The following NEK7 variants were observed in gnomAD, a reference collection of about 807,000 sequenced individuals.
The protein encoded by NEK7 is serine/threonine-protein kinase Nek7.
Under a neutral mutation model 44.6 loss-of-function variants are expected in NEK7, and 18 were observed. The ratio of observed to expected loss-of-function variants is 0.40; its 90% CI spans 0.28 to 0.60. The LOEUF (loss-of-function observed/expected upper bound fraction) is 0.60, where lower values mean the gene tolerates loss of function less well. Among genes scored for constraint, NEK7 ranks in the 20% least tolerant of loss-of-function variants. The pLI is 0.38. For missense variants in NEK7, 256 were observed against 366.5 expected, an observed-to-expected ratio of 0.70 and a Z score of 2.46; for synonymous variants, 130 against 121.1, an observed-to-expected ratio of 1.07 and a Z score of -0.48.
intron 9 of NEK7, 29 bp from the exon 10 acceptor site, chr1:198,319,383 C>G (rs1172091466): frequency 1.3e-6 from 2 of 1,510,382 alleles, no homozygotes; most frequent in East Asian, 2.3e-5. Flanking sequence ...TTGTCTTAAT[C>G]AGGTTTTATT....
chr1:198,168,394 C>A (rs924680916), intron 1 of NEK7, among the ~76,000 whole-genome samples: 3 of 152,180 alleles, frequency 2.0e-5, no homozygotes, highest in Admixed American at 6.5e-5. Context: ...ACTACCATTC[C>A]TAGGCCTTTT....
intron 7 of NEK7, among the ~76,000 whole-genome samples, chr1:198,291,072 T>C (rs1017762894): frequency 6.6e-5 from 10 of 152,158 alleles, no homozygotes; most frequent in Admixed American, 2.0e-4. Flanking sequence ...CTAGCATTTG[T>C]TCTTCTTTTT....
intron 5 of NEK7, among the ~76,000 whole-genome samples, chr1:198,276,901 G>A (rs1654033863): frequency 6.6e-6 from 1 of 151,552 alleles, no homozygotes; most frequent in African/African-American, 2.4e-5. Flanking sequence ...AAAACTGAAA[G>A]GTAGCTGTTT....
intron 1 of NEK7, chr1:198,198,022 G>T: frequency 2.0e-6 from 3 of 1,515,056 alleles, no homozygotes; most frequent in Non-Finnish European, 2.6e-6. Context: ...AGGATGAGGG[G>T]GCCCACCTGG....
chr1:198,201,797 G>C lies in NEK7; in HGVS notation c.-28-30756G>C, dbSNP rs933521862. Reference sequence around the variant, plus strand: ...AGACACACTTGGAGTTTTTGCACCAGAGATTTGTAAGTATAGAGGAGGAGG... The same window carrying C: ...AGACACACTTGGAGTTTTTGCACCACAGATTTGTAAGTATAGAGGAGGAGG... On this transcript the variant is annotated intron_variant, in intron 1 of 9. Coordinates refer to ENST00000367385, the MANE Select transcript of NEK7 (RefSeq NM_133494.3). 1.1e-4 allele frequency among the ~76,000 whole-genome samples: 16 copies of C among 152,204 alleles called. No homozygotes were observed. The South Asian group carries it at 3.3e-3, about 32-fold the overall frequency.
chr1:198,175,577 G>A (rs376001268), intron 1 of NEK7, among the ~76,000 whole-genome samples: 34 of 152,274 alleles, frequency 2.2e-4, no homozygotes, highest in East Asian at 9.6e-4. Context: ...TGGTTGTCAT[G>A]ATTTTTCTAG....
At chr1:198,211,982 C>T (rs1406921320) in intron 1 of NEK7, among the ~76,000 whole-genome samples, 2 of 152,224 alleles carry the variant, frequency 1.3e-5, no homozygotes, top group Non-Finnish European at 2.9e-5. Context: ...GGCCTTAACC[C>T]TACCCAGTCC....
chr1:198,181,981 GAT>G (rs201430507), intron 1 of NEK7, among the ~76,000 whole-genome samples: 112 of 151,610 alleles, frequency 7.4e-4, no homozygotes, highest in African/African-American at 2.0e-3. Context: ...AGAAAAAAGT[GAT>G]ATATATATAT....
At chr1:198,189,274 A>G (rs1665004615) in intron 1 of NEK7, among the ~76,000 whole-genome samples, 2 of 152,190 alleles carry the variant, frequency 1.3e-5, no homozygotes, top group Non-Finnish European at 2.9e-5. Context: ...TTTAATTTTC[A>G]TGTCGTAAGT....
At chr1:198,248,158 C>T (rs552459792) in intron 2 of NEK7, among the ~76,000 whole-genome samples, 11 of 151,516 alleles carry the variant, frequency 7.3e-5, no homozygotes, top group South Asian at 2.1e-4. Context: ...CATGCCTAGC[C>T]GAAAAAGAGA....
chr1:198,241,406 T>C (rs1223987805), intron 2 of NEK7, among the ~76,000 whole-genome samples: 8 of 152,150 alleles, frequency 5.3e-5, no homozygotes, highest in African/African-American at 1.7e-4. Flanking sequence ...CACAAGTAAA[T>C]AGAGGAGGAG....
At chr1:198,168,767 G>A (rs1264261565) in intron 1 of NEK7, among the ~76,000 whole-genome samples, 1 of 152,118 alleles carries the variant, frequency 6.6e-6, no homozygotes, top group African/African-American at 2.4e-5. Flanking sequence ...TTTGGGAGTT[G>A]TTGGTAGGTA....
chr1:198,286,326 C>A (rs1004933195), intron 7 of NEK7, among the ~76,000 whole-genome samples: 2 of 151,960 alleles, frequency 1.3e-5, no homozygotes, highest in South Asian at 2.1e-4. Context: ...CCATATTATT[C>A]TTCTTTTGGC....
intron 7 of NEK7, among the ~76,000 whole-genome samples, chr1:198,287,423 G>C (rs964136963): frequency 3.3e-5 from 5 of 152,024 alleles, no homozygotes; most frequent in Admixed American, 6.6e-5. Context: ...ACAAAAAAAA[G>C]CTAGAGAGGT....
intron 1 of NEK7, among the ~76,000 whole-genome samples, chr1:198,225,345 C>T (rs1172069010): frequency 6.6e-6 from 1 of 151,146 alleles, no homozygotes; most frequent in Non-Finnish European, 1.5e-5. Context: ...GGAGAGGAAC[C>T]AGGACAATGG....
intron 1 of NEK7, among the ~76,000 whole-genome samples, chr1:198,207,682 G>A (rs1463939273): frequency 6.6e-6 from 1 of 152,156 alleles, no homozygotes; most frequent in African/African-American, 2.4e-5. Context: ...GATTGGAGGA[G>A]GGTTTGACAC....
chr1:198,186,708 T>C (rs1180550325), intron 1 of NEK7, among the ~76,000 whole-genome samples: 1 of 152,176 alleles, frequency 6.6e-6, no homozygotes, highest in Non-Finnish European at 1.5e-5. Flanking sequence ...AGATTAGATA[T>C]GCTGTCAGGT....
intron 7 of NEK7, among the ~76,000 whole-genome samples, chr1:198,282,519 A>G (rs1292587325): frequency 6.6e-6 from 1 of 152,138 alleles, no homozygotes; most frequent in Admixed American, 6.6e-5. Context: ...TTATCAAGCC[A>G]TGTATTAACT....
chr1:198,182,088 A>G (rs1329094464), intron 1 of NEK7, among the ~76,000 whole-genome samples: 1 of 152,074 alleles, frequency 6.6e-6, no homozygotes, highest in Admixed American at 6.6e-5. Flanking sequence ...TGAAATAATA[A>G]AAAAGGTAGG....
Sources: gnomAD v4.1 joint callset for allele counts (sites outside exome capture counted in the v4.1 genomes callset) on GRCh38, gnomAD v4.1.1 for gene constraint, MANE v1.5 for transcripts, NCBI Gene and HGNC (gene_info 2026-07-23, HGNC 2026-07-21) for gene names.